CTNNA3: variants seen among roughly 807,000 people sequenced by gnomAD.
CTNNA3 encodes catenin alpha-3.
In CTNNA3, 76 loss-of-function variants were observed where a neutral mutation model predicts 95.7. The observed-to-expected ratio is 0.79, with a 90% CI of 0.66 to 0.96. The LOEUF (loss-of-function observed/expected upper bound fraction) is 0.96, where lower values mean the gene tolerates loss of function less well. Ranked by LOEUF, CTNNA3 falls within the 40% of genes least tolerant of loss-of-function variation. The pLI, the probability that CTNNA3 is intolerant of heterozygous loss-of-function variation, is 0.00. For missense variants in CTNNA3, 1,191 were observed against 1,089.8 expected (o/e 1.09, Z -1.31); for synonymous variants, 431 against 374.4 (o/e 1.15, Z -1.74).
chr10:66,492,852 C>A (rs1839970998), intron 11 of CTNNA3, among the ~76,000 whole-genome samples: 1 of 152,096 alleles, frequency 6.6e-6, no homozygotes, highest in Admixed American at 6.5e-5. Context: ...AAAGATCATT[C>A]TCCTTGATAG....
chr10:66,443,769 C>T (rs564486514), intron 11 of CTNNA3, among the ~76,000 whole-genome samples: 19 of 152,254 alleles, frequency 1.2e-4, no homozygotes, highest in African/African-American at 4.6e-4. Flanking sequence ...CAGAGCACCT[C>T]TCCTCCTCCA....
chr10:66,846,879 T>C (rs1279070733), intron 7 of CTNNA3, among the ~76,000 whole-genome samples: 1 of 152,272 alleles, frequency 6.6e-6, no homozygotes, highest in Non-Finnish European at 1.5e-5. Flanking sequence ...GAAATCCCTA[T>C]TGGTAAGTTT....
At chr10:66,436,370 C>A (rs1257973673) in intron 11 of CTNNA3, among the ~76,000 whole-genome samples, 1 of 151,974 alleles carries the variant, frequency 6.6e-6, no homozygotes, top group Admixed American at 6.6e-5. Flanking sequence ...GTATTGTGTG[C>A]ACATATATTT....
chr10:67,317,913 ATC>A (rs67700190), intron 5 of CTNNA3, among the ~76,000 whole-genome samples: 105,741 of 151,888 alleles, frequency 0.7, 41,347 homozygotes, highest in Non-Finnish European at 0.88. Context: ...CCACAGTTGA[ATC>A]TCTTTAAAAT....
chr10:66,066,870 C>T (rs1167686830), intron 15 of CTNNA3, among the ~76,000 whole-genome samples: 2 of 152,090 alleles, frequency 1.3e-5, no homozygotes, highest in African/African-American at 2.4e-5. Flanking sequence ...AGACTACTTT[C>T]ATACTATTTA....
At chr10:66,768,897 G>C (rs1839972937) in intron 8 of CTNNA3, among the ~76,000 whole-genome samples, 1 of 152,168 alleles carries the variant, frequency 6.6e-6, no homozygotes, top group Admixed American at 6.5e-5. Flanking sequence ...GGTAAGAGCA[G>C]TTTCAGTGGA....
intron 3 of CTNNA3, among the ~76,000 whole-genome samples, chr10:67,574,578 T>A (rs904975979): frequency 6.2e-4 from 40 of 64,328 alleles, no homozygotes; most frequent in Admixed American, 1.1e-3. Context: ...GGTTGTTAAC[T>A]TTTTTTTTTT....
intron 5 of CTNNA3, among the ~76,000 whole-genome samples, chr10:67,255,322 T>A (rs185595854): frequency 0.01 from 1,489 of 148,634 alleles, 12 homozygotes; most frequent in Admixed American, 0.017. Context: ...ATAAATAAAT[T>A]AATTAATTAA....
At chr10:66,768,294 T>C (rs1009988993) in intron 8 of CTNNA3, among the ~76,000 whole-genome samples, 4 of 152,168 alleles carry the variant, frequency 2.6e-5, no homozygotes, top group Non-Finnish European at 5.9e-5. Context: ...AAATCTACAC[T>C]AGAGATATGC....
chr10:67,071,411 T>C (rs987315601), intron 7 of CTNNA3, among the ~76,000 whole-genome samples: 3 of 151,692 alleles, frequency 2.0e-5, no homozygotes, highest in African/African-American at 7.3e-5. Flanking sequence ...AATTGTAGGT[T>C]TGCAGTTATC....
At chr10:66,200,023 A>G (rs1338571535) in intron 13 of CTNNA3, among the ~76,000 whole-genome samples, 1 of 150,684 alleles carries the variant, frequency 6.6e-6, no homozygotes, top group African/African-American at 2.5e-5. Flanking sequence ...TAAATGGCAT[A>G]TTATTGATTG....
intron 3 of CTNNA3, among the ~76,000 whole-genome samples, chr10:67,572,089 T>C (rs1413545356): frequency 6.6e-6 from 1 of 152,204 alleles, no homozygotes; most frequent in Non-Finnish European, 1.5e-5. Context: ...TCTTTTTATA[T>C]TGATTGCATG....
intron 6 of CTNNA3, among the ~76,000 whole-genome samples, chr10:67,214,897 T>A (rs1162453322): frequency 1.3e-5 from 2 of 152,026 alleles, no homozygotes; most frequent in African/African-American, 4.8e-5. Flanking sequence ...AGTTTCACTA[T>A]GATACGTGTA....
chr10:66,749,763 G>A (rs907411071), intron 9 of CTNNA3, among the ~76,000 whole-genome samples: 2 of 152,170 alleles, frequency 1.3e-5, no homozygotes, highest in African/African-American at 4.8e-5. Flanking sequence ...GTAACAGTAT[G>A]TTTAGTTTTG....
intron 13 of CTNNA3, among the ~76,000 whole-genome samples, chr10:66,170,310 G>A (rs1395254013): frequency 1.6e-5 from 2 of 127,446 alleles, no homozygotes; most frequent in Non-Finnish European, 3.1e-5. Context: ...TGGAACAACA[G>A]AAATATGGCA....
chr10:66,491,151 T>G (rs1441403913), intron 11 of CTNNA3, among the ~76,000 whole-genome samples: 2 of 152,184 alleles, frequency 1.3e-5, no homozygotes, highest in Non-Finnish European at 2.9e-5. Context: ...CACTTTAATC[T>G]ATTTTATATA....
chr10:66,176,527 C>T (rs1031055723), intron 13 of CTNNA3, among the ~76,000 whole-genome samples: 14 of 151,988 alleles, frequency 9.2e-5, no homozygotes, highest in Non-Finnish European at 1.8e-4. Flanking sequence ...GTAAAATTCA[C>T]AAAAATTCAC....
intron 7 of CTNNA3, among the ~76,000 whole-genome samples, chr10:66,840,925 G>A (rs1434051209): frequency 6.6e-6 from 1 of 152,124 alleles, no homozygotes; most frequent in Non-Finnish European, 1.5e-5. Flanking sequence ...AAAATGAGAT[G>A]ATTAGAATAA....
intron 7 of CTNNA3, chr10:66,926,045 A>T (rs752474257): frequency 2.2e-6 from 1 of 457,010 alleles, no homozygotes; most frequent in South Asian, 1.5e-5. Flanking sequence ...CAACAGTCCG[A>T]GCAGCTTTCA....
Sources: allele counts gnomAD v4.1 joint callset (sites outside exome capture counted in the v4.1 genomes callset), GRCh38; gene constraint gnomAD v4.1.1; transcripts MANE v1.5; gene names NCBI Gene and HGNC (gene_info 2026-07-23, HGNC 2026-07-21).